ST7: variants seen among roughly 807,000 people sequenced by gnomAD.
ST7 encodes suppression of tumorigenicity 7, also known as suppressor of tumorigenicity 7 protein.
In ST7, 28 loss-of-function variants were observed where a neutral mutation model predicts 78.7. The ratio of observed to expected loss-of-function variants is 0.36; its 90% CI spans 0.26 to 0.49. The LOEUF (loss-of-function observed/expected upper bound fraction) is 0.49, where lower values mean the gene tolerates loss of function less well. Among genes scored for constraint, ST7 ranks in the 20% least tolerant of loss-of-function variants. The probability of loss-of-function intolerance (pLI) is 0.99; values close to 1 mark genes in which losing one functional copy is unlikely to be tolerated. For missense variants in ST7, 418 were observed against 696.0 expected (o/e 0.60, Z 4.49); for synonymous variants, 247 against 249.6 (o/e 0.99, Z 0.10).
At chr7:117,108,317 A>T (rs1802143493) in intron 2 of ST7, among the ~76,000 whole-genome samples, 3 of 152,250 alleles carry the variant, frequency 2.0e-5, no homozygotes, top group African/African-American at 7.2e-5. Context: ...TGACTTGCCA[A>T]TTATCCCAGC....
chr7:117,163,662 A>T (rs2117227124), intron 9 of ST7, among the ~76,000 whole-genome samples: 1 of 152,030 alleles, frequency 6.6e-6, no homozygotes, highest in Middle Eastern at 3.4e-3. Flanking sequence ...TGCTGTTGAG[A>T]TGTTTGAGTT....
In ST7 at chr7:117,189,413, C is replaced by G. The variant is rs369057658; in HGVS notation, c.1151+20C>G. ...TGACAAGTAAGTGAATAATAGTTTG[C>G]GCGGTACTAATGCCTGACCGGAATT... is the stretch of plus-strand genomic sequence containing the variant. On this transcript the variant is annotated intron_variant, in intron 11 of 15. Coordinates refer to ENST00000323984, the MANE Select transcript of ST7 (RefSeq NM_001369598.1). The G allele has an allele frequency of 6.3e-7, 1 of 1,574,826 alleles. No individual in the cohort carries two copies.
intron 1 of ST7, among the ~76,000 whole-genome samples, chr7:117,000,824 A>G (rs575515856): frequency 6.6e-6 from 1 of 152,370 alleles, no homozygotes; most frequent in South Asian, 2.1e-4. Flanking sequence ...TGCCTAAAAT[A>G]CCAATAACAC....
At chr7:117,214,149 G>C (rs1792503904) in intron 13 of ST7, among the ~76,000 whole-genome samples, 1 of 152,170 alleles carries the variant, frequency 6.6e-6, no homozygotes. Flanking sequence ...AGGGTCGCCT[G>C]CCGACCACAA....
At chr7:117,134,637 A>AT (rs1332833144) in intron 7 of ST7, among the ~76,000 whole-genome samples, 1 of 151,912 alleles carries the variant, frequency 6.6e-6, no homozygotes, top group African/African-American at 2.4e-5. Flanking sequence ...TACAATCTCA[A>AT]TTTTCACTTC....
At chr7:117,122,175 C>T (rs1394812317) in intron 3 of ST7, among the ~76,000 whole-genome samples, 2 of 152,088 alleles carry the variant, frequency 1.3e-5, no homozygotes, top group African/African-American at 2.4e-5. Flanking sequence ...AGAAACATGG[C>T]ATGTTCGAGA....
chr7:117,216,335 T>C (rs1207442388), intron 13 of ST7, among the ~76,000 whole-genome samples: 1 of 152,230 alleles, frequency 6.6e-6, no homozygotes, highest in East Asian at 1.9e-4. Flanking sequence ...ATGTATTCAC[T>C]CTGAGTGGCC....
intron 12 of ST7, chr7:117,191,802 A>C (rs575627622): frequency 2.0e-5 from 3 of 152,158 alleles, no homozygotes; most frequent in Non-Finnish European, 4.4e-5. Flanking sequence ...TGTCTGATGA[A>C]GACTTAGTGG....
At chr7:117,226,830 C>A (rs1793478304) in intron 15 of ST7, among the ~76,000 whole-genome samples, 1 of 152,240 alleles carries the variant, frequency 6.6e-6, no homozygotes, top group South Asian at 2.1e-4. Context: ...TTTGTGAATT[C>A]TCCCAAGGAT....
chr7:117,035,119 GTTTT>G (rs61562340), intron 1 of ST7, among the ~76,000 whole-genome samples: 2,021 of 135,678 alleles, frequency 0.015, 18 homozygotes, highest in Non-Finnish European at 0.019. Context: ...AAGCTGGGCA[GTTTT>G]TTTTTTTTTT....
At chr7:117,041,220 CAT>C (rs1282965122) in intron 1 of ST7, among the ~76,000 whole-genome samples, 1 of 152,164 alleles carries the variant, frequency 6.6e-6, no homozygotes, top group Non-Finnish European at 1.5e-5. Context: ...ATCTTTACCA[CAT>C]GTTCATTTTT....
At chr7:117,189,243 A>G in intron 10 of ST7, 78 bp from the exon 11 acceptor site, 1 of 933,812 alleles carries the variant, frequency 1.1e-6, no homozygotes, top group Non-Finnish European at 1.6e-6. Flanking sequence ...AAACGTGATT[A>G]AAATGCTAGT....
At chr7:117,169,469 T>C (rs1807819471) in intron 9 of ST7, among the ~76,000 whole-genome samples, 1 of 152,146 alleles carries the variant, frequency 6.6e-6, no homozygotes, top group Admixed American at 6.6e-5. Context: ...AAAACTTTGC[T>C]CTGAAATTCT....
intron 13 of ST7, among the ~76,000 whole-genome samples, chr7:117,213,642 A>T (rs541875277): frequency 4.6e-5 from 6 of 131,812 alleles, no homozygotes; most frequent in South Asian, 2.2e-4. Context: ...TGGTGGTTTT[A>T]AAAAAAAAAA....
At chr7:116,963,169 A>G (rs1408745914) in intron 1 of ST7, among the ~76,000 whole-genome samples, 1 of 152,216 alleles carries the variant, frequency 6.6e-6, no homozygotes, top group Non-Finnish European at 1.5e-5. Flanking sequence ...AAGCAAGATA[A>G]TGGGTTATTG....
At chr7:117,129,112 C>T (rs1246336166) in intron 3 of ST7, among the ~76,000 whole-genome samples, 1 of 151,564 alleles carries the variant, frequency 6.6e-6, no homozygotes, top group East Asian at 1.9e-4. Flanking sequence ...TTTCTGTGGT[C>T]CTGGTATAAT....
intron 1 of ST7, 68 bp downstream of exon 1, chr7:116,953,759 G>A (rs1792270148): frequency 6.0e-6 from 7 of 1,166,814 alleles, no homozygotes; most frequent in South Asian, 2.7e-5. Context: ...TGCAACTCGC[G>A]CGGGGCCGCG....
rs145707486 is a variant in ST7 at position 116,986,791 on chromosome 7, G to A, written c.151+33100G>A. 9.2e-4 allele frequency among the ~76,000 whole-genome samples: 140 copies of A among 152,276 alleles called. 1 individual carries two copies. The highest frequency in any genetic ancestry group is 3.4e-3 in the Middle Eastern group (1 of 294). The stretch of plus-strand genomic sequence containing the variant: ...GAGAGAGAGAGATTTCAGATAGGTG[G>A]TATTTAAAGTCATGGGATTAGATAT... On this transcript the variant is annotated intron_variant, in intron 1 of 15. Transcript: ENST00000323984.
At chr7:116,962,768 G>A (rs1277337258) in intron 1 of ST7, among the ~76,000 whole-genome samples, 1 of 152,156 alleles carries the variant, frequency 6.6e-6, no homozygotes, top group African/African-American at 2.4e-5. Flanking sequence ...TTCTTTTGCT[G>A]TGCAGAAGCT....
Sources: gnomAD v4.1 joint callset for allele counts (sites outside exome capture counted in the v4.1 genomes callset) on GRCh38, gnomAD v4.1.1 for gene constraint, MANE v1.5 for transcripts, NCBI Gene and HGNC (gene_info 2026-07-23, HGNC 2026-07-21) for gene names.